SLC26A11: variants seen among roughly 807,000 people sequenced by gnomAD.
SLC26A11 encodes solute carrier family 26 member 11.
Under a neutral mutation model 62.2 loss-of-function variants are expected in SLC26A11, and 58 were observed. That is an observed-to-expected ratio of 0.93 (90% CI 0.76 to 1.16). The LOEUF is 1.16. SLC26A11 is among the 50% of genes most tolerant of loss of function. The pLI is 0.00. For missense variants in SLC26A11, 790 were observed against 794.3 expected (o/e 0.99, Z 0.06); for synonymous variants, 411 against 368.9 (o/e 1.11, Z -1.31).
chr17:80,224,294 T>TGC (rs200236399), intron 5 of SLC26A11, among the ~76,000 whole-genome samples: 1 of 61,292 alleles, frequency 1.6e-5, no homozygotes, highest in Non-Finnish European at 3.3e-5. Flanking sequence ...TGTGAGTGAG[T>TGC]GTGCGTGTGT....
chr17:80,221,386 C>T (rs1331904451), intron 2 of SLC26A11, 162 bp from the exon 3 acceptor site: 1 of 566,720 alleles, frequency 1.8e-6, no homozygotes, highest in African/African-American at 1.9e-5. Context: ...GGCCCAGTCC[C>T]CATCTTGCAC....
At chr17:80,237,775 G>A (rs943125264) in intron 9 of SLC26A11, among the ~76,000 whole-genome samples, 181 bp downstream of exon 9, 1 of 152,256 alleles carries the variant, frequency 6.6e-6, no homozygotes, top group African/African-American at 2.4e-5. Flanking sequence ...GATCTATAAT[G>A]AGGCATGCCC....
chr17:80,248,051 A>T, intron 13 of SLC26A11, 79 bp from the exon 14 acceptor site: 1 of 1,458,406 alleles, frequency 6.9e-7, no homozygotes, highest in Non-Finnish European at 9.1e-7. Flanking sequence ...GGGGGCAGAA[A>T]GCTGTCCCGC....
intron 14 of SLC26A11, 44 bp from the exon 15 acceptor site, chr17:80,248,531 G>T (rs770854095): frequency 1.3e-6 from 2 of 1,530,790 alleles, no homozygotes; most frequent in South Asian, 1.2e-5. Context: ...CCTGGTGGAG[G>T]CCACCCGGTC....
At position 80,252,930 on chromosome 17, in the gene SLC26A11, C is replaced by T. The variant is rs968721070; in HGVS notation, c.*214C>T. The T allele has an allele frequency of 1.6e-5, 8 of 508,174 alleles. No homozygotes were observed. Among genetic ancestry groups the T allele is most frequent in the Middle Eastern group, 5.2e-4 (1 of 1,912 alleles). The allele number at this position is 508,174 out of a possible 1,614,324, so 31.5% of individuals were successfully genotyped here. On this transcript the variant is annotated 3_prime_UTR_variant, in exon 18 of 18. Transcript: ENST00000361193. The surrounding 1 kb of genome is among the most constrained non-coding windows in gnomAD (Gnocchi z 5.2). ...CTGTGGGATGACTGGAAAATGACCT[C>T]GCTGCTGTTCCCTGGCATGACCCTC...
Position 80,225,369 on chromosome 17 carries a change from A to G in SLC26A11, c.514-468A>G, listed in dbSNP as rs116906557. Among the ~76,000 whole-genome samples, 1,356 of 152,286 alleles carry G rather than the reference A, an allele frequency of 8.9e-3. 13 individuals are homozygous for G. Among genetic ancestry groups the G allele is most frequent in the Non-Finnish European group, 0.016 (1,058 of 68,026 alleles). On this transcript the variant is annotated intron_variant, in intron 5 of 17. Coordinates refer to ENST00000361193, the MANE Select transcript of SLC26A11 (RefSeq NM_001166347.2). ...ACTACGAAGAGATTTTTCCTCCCGC[A>G]GCAGCGGAGCTGGGGGGTGGCGGGG...
Position 80,222,675 on chromosome 17 carries a change from C to T in SLC26A11, c.255C>T (p.Phe85=). The stretch of plus-strand genomic sequence containing the variant: ...CACAGTATGGCCTCTACTCTGCCTT[C>T]ATGGGCTGCTTCGTGTATTTCTTCC... The part of the protein sequence containing the change: ...LPPQYGLYSA[F]MGCFVYFFLG... The change falls in exon 4 of 18, where the codon TTC becomes TTT. Residue 85 remains phenylalanine (F), a synonymous_variant. Coordinates refer to ENST00000361193, the MANE Select transcript of SLC26A11 (RefSeq NM_001166347.2). This position sits in a 1 kb window ranked among gnomAD's most constrained non-coding sequence, Gnocchi z 4.7. 6.2e-7 allele frequency: 1 copy of T among 1,614,128 alleles called. No individual in the cohort carries two copies. Among genetic ancestry groups the T allele is most frequent in the Non-Finnish European group, 8.5e-7 (1 of 1,180,014 alleles).
intron 5 of SLC26A11, chr17:80,225,457 G>A (rs1483161844): frequency 3.1e-5 from 7 of 227,564 alleles, no homozygotes; most frequent in Admixed American, 1.6e-4. Flanking sequence ...AGGGGGCCTG[G>A]CTGCTGAGTG....
intron 16 of SLC26A11, among the ~76,000 whole-genome samples, chr17:80,249,994 A>G (rs866867776): frequency 3.3e-5 from 5 of 152,192 alleles, no homozygotes; most frequent in South Asian, 4.1e-4. Context: ...ACGGGTTTCT[A>G]TGGAGGCCGT....
In SLC26A11 at chr17:80,221,623, C is replaced by T. The variant is rs754153623; in HGVS notation, c.63C>T (p.Ser21=). 6 of 1,610,134 alleles carry T rather than the reference C, an allele frequency of 3.7e-6. No individual in the cohort carries two copies. The Admixed American group carries it at 8.3e-5, about 22-fold the overall frequency. Residue 21 remains serine, a synonymous_variant, in exon 3 of 18, where the codon AGC becomes AGT. Transcript: ENST00000361193. ...ARSSGPGMAP[S]ACCCSPAALQ... is the part of the protein sequence containing the mutation. ...CCTCTGGCCCCGGGATGGCCCCGAGCGCCTGCTGCTGCTCCCCTGCGGCCC... is the reference window on the plus strand; with the variant it reads ...CCTCTGGCCCCGGGATGGCCCCGAGTGCCTGCTGCTGCTCCCCTGCGGCCC...
rs1472499256 is a variant in SLC26A11 at position 80,246,895 on chromosome 17, AG to A, written c.1294+249del. On this transcript the variant is annotated intron_variant, in intron 13 of 17. Coordinates refer to ENST00000361193, the MANE Select transcript of SLC26A11 (RefSeq NM_001166347.2). This position sits in a 1 kb window ranked among gnomAD's most constrained non-coding sequence, Gnocchi z 4.4. Reference sequence around the variant, plus strand: ...CTTGAGGCGAGCACTGACCCGGGGGAGGGTCCCCTCCTGATCCCCCTGCCCC... The same window carrying A: ...CTTGAGGCGAGCACTGACCCGGGGGAGGTCCCCTCCTGATCCCCCTGCCCC... Among the ~76,000 whole-genome samples, 1 of 151,584 alleles carries A rather than the reference AG, an allele frequency of 6.6e-6. No homozygotes were observed. The highest frequency in any genetic ancestry group is 1.5e-5 in the Non-Finnish European group (1 of 67,890).
At chr17:80,226,746 A>G (rs1426360127) in intron 6 of SLC26A11, among the ~76,000 whole-genome samples, 1 of 152,018 alleles carries the variant, frequency 6.6e-6, no homozygotes, top group African/African-American at 2.4e-5. Context: ...GATGAGGGGT[A>G]CCTCCCTGCC....
chr17:80,240,728 G>A (rs1224051968), intron 9 of SLC26A11, among the ~76,000 whole-genome samples: 4 of 151,768 alleles, frequency 2.6e-5, no homozygotes, highest in East Asian at 1.9e-4. Flanking sequence ...TCTTGAACCC[G>A]GGAGGCAGAG....
chr17:80,234,466 GTTTT>G (rs76702028), intron 7 of SLC26A11, among the ~76,000 whole-genome samples: 32,034 of 150,994 alleles, frequency 0.21, 4,158 homozygotes, highest in East Asian at 0.33. Flanking sequence ...TTGATGTAGT[GTTTT>G]TTTGTTTGTT....
At chr17:80,247,786 T>G (rs73432151) in intron 13 of SLC26A11, among the ~76,000 whole-genome samples, 2,047 of 152,252 alleles carry the variant, frequency 0.013, 41 homozygotes, top group African/African-American at 0.047. Flanking sequence ...CCAGGGCACC[T>G]TCTCCTTGGC....
At chr17:80,225,787 G>A (rs758668403) in intron 5 of SLC26A11, 50 bp from the exon 6 acceptor site, 1 of 1,530,460 alleles carries the variant, frequency 6.5e-7, no homozygotes, top group Non-Finnish European at 9.0e-7. Context: ...GGGACAGATG[G>A]CCTTGGTTTG....
At chr17:80,220,534 A>T in intron 1 of SLC26A11, 38 bp downstream of exon 1, 32 of 377,326 alleles carry the variant, frequency 8.5e-5, no homozygotes, top group Non-Finnish European at 1.1e-4. Flanking sequence ...AGCGGGGACC[A>T]GGGGCAGGGG....
At position 80,246,140 on chromosome 17, in the gene SLC26A11, G is replaced by T. The variant is rs1221119795; in HGVS notation, c.1098-14G>T. ...CGGCCCCTGGTGACTGACGGTCTCT[G>T]TGTTGCCTTCCAGGACAGCCGTGAA... On this transcript the variant is annotated splice_polypyrimidine_tract_variant and intron_variant, in intron 11 of 17. Coordinates refer to ENST00000361193, the MANE Select transcript of SLC26A11 (RefSeq NM_001166347.2). This position sits in a 1 kb window ranked among gnomAD's most constrained non-coding sequence, Gnocchi z 4.4. The T allele has an allele frequency of 6.2e-7, 1 of 1,613,090 alleles. No homozygotes were observed. The highest frequency in any genetic ancestry group is 8.5e-7 in the Non-Finnish European group (1 of 1,180,018).
At chr17:80,251,237 G>C (rs2043146940) in intron 16 of SLC26A11, 92 bp from the exon 17 acceptor site, 1 of 1,611,952 alleles carries the variant, frequency 6.2e-7, no homozygotes. Flanking sequence ...ATACCTCTCC[G>C]GGAGACTCTG....
Sources: gnomAD v4.1 joint callset for allele counts (sites outside exome capture counted in the v4.1 genomes callset) on GRCh38, gnomAD v4.1.1 for gene constraint, Gnocchi (gnomAD v3.1) non-coding constraint, MANE v1.5 for transcripts, NCBI Gene and HGNC (gene_info 2026-07-23, HGNC 2026-07-21) for gene names.